Variants in CAND2 observed in about 807,000 individuals in gnomAD.
The protein encoded by CAND2 is cullin-associated NEDD8-dissociated protein 2.
In CAND2, 62 loss-of-function variants were observed where a neutral mutation model predicts 98.9. The observed-to-expected ratio is 0.63, with a 90% CI of 0.51 to 0.77. The LOEUF (loss-of-function observed/expected upper bound fraction) is 0.77, where lower values mean the gene tolerates loss of function less well. CAND2 is among the 30% of genes least tolerant of loss of function. CAND2 has a pLI of 0.00. For missense variants in CAND2, 1,501 were observed against 1,655.2 expected (o/e 0.91, Z 1.62); for synonymous variants, 770 against 731.9 (o/e 1.05, Z -0.84).
chr3:12,817,654 C>T lies in CAND2; in HGVS notation c.2722C>T (p.Pro908Ser). 2 of 1,612,158 alleles carry T rather than the reference C, an allele frequency of 1.2e-6. No individual in the cohort carries two copies. Among genetic ancestry groups the T allele is most frequent in the Non-Finnish European group, 1.7e-6 (2 of 1,179,336 alleles). Residue 908 changes from proline to serine, a missense_variant, in exon 10 of 15, where the codon CCC (proline) becomes TCC (serine). Around this residue, in one of 3 missense-constraint regions of CAND2, gnomAD observed 1,427 missense variants for 1,545.3 expected, o/e 0.92. Transcript: ENST00000456430. ...CCTGCTGGAGCAGATCGAGGCTGAG[C>T]CCCGACGACAGTACCTGCTGCTGCA... ...PFLLEQIEAE[P>S]RRQYLLLHSL... is the part of the protein sequence containing the mutation.
At chr3:12,818,640 C>G (rs976783592) in intron 10 of CAND2, among the ~76,000 whole-genome samples, 3 of 152,244 alleles carry the variant, frequency 2.0e-5, no homozygotes, top group African/African-American at 7.2e-5. Context: ...AGCTGGCCAG[C>G]TGGCCCCTTA....
intron 5 of CAND2, among the ~76,000 whole-genome samples, chr3:12,811,329 C>T (rs2061850327): frequency 6.6e-6 from 1 of 152,130 alleles, no homozygotes; most frequent in South Asian, 2.1e-4. Flanking sequence ...GTCTCTAGGT[C>T]AGCATGTCTC....
At chr3:12,800,078 C>T (rs1441723343) in intron 1 of CAND2, among the ~76,000 whole-genome samples, 2 of 152,190 alleles carry the variant, frequency 1.3e-5, no homozygotes, top group Admixed American at 1.3e-4. Flanking sequence ...CTCAGCTGAG[C>T]AGACGTAGGG....
Position 12,834,010 on chromosome 3 carries a change from C to T in CAND2, c.*28C>T, listed in dbSNP as rs576387595. ...CCCTCAGCACCAAGGTGGGCCCTCG[C>T]TTAAGAGAAAGGAGCCCACCCAAGT... is the stretch of plus-strand genomic sequence containing the variant. On this transcript the variant is annotated 3_prime_UTR_variant, in exon 15 of 15. Coordinates refer to ENST00000456430, the MANE Select transcript of CAND2 (RefSeq NM_001162499.2). 45 of 1,594,394 alleles carry T rather than the reference C, an allele frequency of 2.8e-5. No homozygotes were observed. Among genetic ancestry groups the T allele is most frequent in the Non-Finnish European group, 3.6e-5 (42 of 1,162,968 alleles).
At position 12,825,455 on chromosome 3, in the gene CAND2, A is replaced by G; in HGVS notation, c.3041-15A>G. 1 of 1,548,382 alleles carries G rather than the reference A, an allele frequency of 6.5e-7. No homozygotes were observed. Among genetic ancestry groups the G allele is most frequent in the East Asian group, 2.4e-5 (1 of 40,936 alleles). On this transcript the variant is annotated splice_polypyrimidine_tract_variant and intron_variant, in intron 11 of 14. Transcript: ENST00000456430. ...TGGCTGTGCATCCCCCACGCCCCTC[A>G]TGTTCTTCTGCCAGGAGAGTTCATG...
At position 12,831,500 on chromosome 3, in the gene CAND2, C is replaced by T. The variant is rs1323570133; in HGVS notation, c.3411C>T (p.Thr1137=). The change falls in exon 14 of 15, where the codon ACC becomes ACT. Residue 1137 remains threonine, a synonymous_variant. Coordinates refer to ENST00000456430, the MANE Select transcript of CAND2 (RefSeq NM_001162499.2). ...LTFIMVARLA[T]LCPAPVLQRV... ...TCATCATGGTTGCCCGGCTGGCCAC[C>T]CTGTGTCCTGCACCTGTCCTGCAGA... 7.4e-6 allele frequency: 12 copies of T among 1,613,946 alleles called. No homozygotes were observed. In the Admixed American group the frequency reaches 2.0e-4, roughly 27 times the overall value.
At chr3:12,812,390 ATTTTTTTTTTT>A (rs35620069) in intron 5 of CAND2, among the ~76,000 whole-genome samples, 3 of 66,730 alleles carry the variant, frequency 4.5e-5, no homozygotes, top group Non-Finnish European at 8.2e-5. Context: ...TGCCCGGCTA[ATTTTTTTTTTT>A]TTTTTTTTTT....
chr3:12,822,454 A>G (rs1400093280), intron 11 of CAND2, among the ~76,000 whole-genome samples: 1 of 151,874 alleles, frequency 6.6e-6, no homozygotes, highest in African/African-American at 2.4e-5. Context: ...CAGCCACCAC[A>G]CCTGGCTACT....
intron 1 of CAND2, 98 bp downstream of exon 1, chr3:12,796,886 G>GC (rs1468640188): frequency 5.4e-6 from 5 of 928,622 alleles, no homozygotes; most frequent in Non-Finnish European, 8.6e-6. Flanking sequence ...TGACCATGCA[G>GC]CCCCCTGCCT....
In CAND2 at chr3:12,812,255, G is replaced by A. The variant is rs376559570; in HGVS notation, c.758-735G>A. Among the ~76,000 whole-genome samples the A allele has an allele frequency of 1.1e-4, 10 of 89,446 alleles. No homozygotes were observed. In the East Asian group the frequency reaches 2.4e-3, roughly 22 times the overall value. 58.7% of individuals were successfully genotyped at this position (89,446 alleles called of 152,430 possible). A position where few individuals can be genotyped will look rare whatever the true frequency, so the allele number is the denominator to read the frequency against. On this transcript the variant is annotated intron_variant, in intron 5 of 14. Coordinates refer to ENST00000456430, the MANE Select transcript of CAND2 (RefSeq NM_001162499.2). ...TTTTTTTTTTTGGAGATAGAATCTC[G>A]CTCTGTCCCCCAGGCTGGAGTACGG...
chr3:12,832,174 TAAAGAG>T (rs1193354015), intron 14 of CAND2: 1 of 152,242 alleles, frequency 6.6e-6, no homozygotes, highest in African/African-American at 2.4e-5. Flanking sequence ...GGTTGGCACT[TAAAGAG>T]GAGAGATACC....
chr3:12,820,705 C>T (rs2061950941), intron 11 of CAND2, among the ~76,000 whole-genome samples: 1 of 152,216 alleles, frequency 6.6e-6, no homozygotes, highest in Non-Finnish European at 1.5e-5. Context: ...ACTGAGACCT[C>T]CCTCTGGGGC....
intron 10 of CAND2, 141 bp downstream of exon 10, chr3:12,818,017 A>G: frequency 1.4e-6 from 1 of 711,958 alleles, no homozygotes; most frequent in East Asian, 3.0e-5. Context: ...GAGGCAAGGA[A>G]GCTACAGAGG....
At chr3:12,831,014 TAA>T (rs66870467) in intron 13 of CAND2, among the ~76,000 whole-genome samples, 1 of 152,092 alleles carries the variant, frequency 6.6e-6, no homozygotes, top group Admixed American at 6.5e-5. Flanking sequence ...TAGTTGTTGT[TAA>T]AAGTTTTTGT....
chr3:12,810,007 C>T, intron 4 of CAND2, 52 bp from the exon 5 acceptor site: 1 of 1,376,814 alleles, frequency 7.3e-7, no homozygotes, highest in Non-Finnish European at 9.4e-7. Context: ...CGGAGCCTGG[C>T]CCAGGTTGCC....
In CAND2 at chr3:12,808,256, CA is replaced by C. The variant is rs2061822866; in HGVS notation, c.415del (p.Thr139ProfsTer24). 1.2e-5 allele frequency: 18 copies of C among 1,551,314 alleles called. No homozygotes were observed. The East Asian group carries it at 4.4e-4, about 38-fold the overall frequency. On this transcript the variant is annotated frameshift_variant, in exon 4 of 15. Transcript: ENST00000456430. LOFTEE classifies it high-confidence loss of function. ...NVCRKITGQL[T>X]SAIAQQEDVA... is the part of the protein sequence containing the mutation. The stretch of plus-strand genomic sequence containing the variant: ...TGTGCCGGAAGATCACAGGCCAGCT[CA>C]CCAGTGCCATTGCCCAGCAGGAGGA...
rs968673991 is a variant in CAND2, at chr3:12,815,647, C to T, written c.1299+214C>T. ...AGTGAGCTTGAGCAAGTTGCTTGGTCTCTCTGTACCTGTAAAATGGACGCA... is the reference window on the plus strand; with the variant it reads ...AGTGAGCTTGAGCAAGTTGCTTGGTTTCTCTGTACCTGTAAAATGGACGCA... On this transcript the variant is annotated intron_variant, in intron 8 of 14. Transcript: ENST00000456430. This position sits in a 1 kb window ranked among gnomAD's most constrained non-coding sequence, Gnocchi z 5.7. Among the ~76,000 whole-genome samples, 1 of 152,192 alleles carries T rather than the reference C, an allele frequency of 6.6e-6. No individual in the cohort carries two copies. Among genetic ancestry groups the T allele is most frequent in the African/African-American group, 2.4e-5 (1 of 41,444 alleles).
intron 13 of CAND2, among the ~76,000 whole-genome samples, chr3:12,831,008 T>A (rs1289728299): frequency 6.9e-6 from 1 of 144,912 alleles, no homozygotes; most frequent in Non-Finnish European, 1.5e-5. Flanking sequence ...CATGTTTAGT[T>A]GTTGTTAAAA....
chr3:12,827,314 G>C (rs2062011317), intron 12 of CAND2, 126 bp from the exon 13 acceptor site: 4 of 814,676 alleles, frequency 4.9e-6, no homozygotes, highest in Non-Finnish European at 7.8e-6. Context: ...ATGGAGACTT[G>C]AGAGTATAAG....
Sources: gnomAD v4.1 joint callset for allele counts (sites outside exome capture counted in the v4.1 genomes callset) on GRCh38, gnomAD v4.1.1 for gene constraint, gnomAD v4.1.1 regional missense constraint, Gnocchi (gnomAD v3.1) non-coding constraint, MANE v1.5 for transcripts, NCBI Gene and HGNC (gene_info 2026-07-23, HGNC 2026-07-21) for gene names.